EDEM3: variants seen among roughly 807,000 people sequenced by gnomAD.
The protein encoded by EDEM3 is ER degradation enhancing alpha-mannosidase like protein 3.
A neutral mutation model predicts 110.2 loss-of-function variants in EDEM3; 60 were observed. The ratio of observed to expected loss-of-function variants is 0.54; its 90% CI spans 0.44 to 0.67. The LOEUF is 0.67. Ranked by LOEUF, EDEM3 falls within the 30% of genes least tolerant of loss-of-function variation. The pLI is 0.00. For missense variants in EDEM3, 996 were observed against 1,121.0 expected (o/e 0.89, Z 1.59); for synonymous variants, 352 against 382.9 (o/e 0.92, Z 0.94).
At chr1:184,714,620 T>G (rs1023451137) in intron 13 of EDEM3, among the ~76,000 whole-genome samples, 3 of 152,024 alleles carry the variant, frequency 2.0e-5, no homozygotes, top group African/African-American at 7.2e-5. Flanking sequence ...CTGGTTGGGG[T>G]CCAACCAAAA....
intron 7 of EDEM3, among the ~76,000 whole-genome samples, chr1:184,724,307 T>C (rs899027715): frequency 1.3e-5 from 2 of 152,096 alleles, no homozygotes; most frequent in Non-Finnish European, 2.9e-5. Flanking sequence ...ATTTCAAAGG[T>C]AGTATGCTAT....
chr1:184,713,798 C>T (rs1650394778), intron 13 of EDEM3, among the ~76,000 whole-genome samples: 2 of 152,204 alleles, frequency 1.3e-5, no homozygotes. Context: ...CTATGAGCTT[C>T]AGTTTATTCT....
At position 184,725,564 on chromosome 1, in the gene EDEM3, C is replaced by T. The variant is rs549034008; in HGVS notation, c.747+691G>A. 3.9e-5 allele frequency among the ~76,000 whole-genome samples: 6 copies of T among 151,922 alleles called. No homozygotes were observed. In the South Asian group the frequency reaches 6.2e-4, roughly 16 times the overall value. Reference sequence around the variant, plus strand: ...ATACAAAGTCAATTTGTTTTCTTTACATTCAGATCTAGTATCTGTAATGCT... The same window carrying T: ...ATACAAAGTCAATTTGTTTTCTTTATATTCAGATCTAGTATCTGTAATGCT... On this transcript the variant is annotated intron_variant, in intron 7 of 19. Coordinates refer to ENST00000318130, the MANE Select transcript of EDEM3 (RefSeq NM_025191.4).
At chr1:184,723,881 A>G (rs774550056) in intron 7 of EDEM3, 25 bp from the exon 8 acceptor site, 1 of 1,512,656 alleles carries the variant, frequency 6.6e-7, no homozygotes, top group East Asian at 2.3e-5. Context: ...AAAAAAAAAA[A>G]AAAAGAAGTG....
chr1:184,730,483 A>G (rs1422281062), intron 6 of EDEM3, among the ~76,000 whole-genome samples: 4 of 152,152 alleles, frequency 2.6e-5, no homozygotes, highest in Admixed American at 6.5e-5. Flanking sequence ...GCTACTCAGG[A>G]GGCTGAGGTG....
intron 4 of EDEM3, among the ~76,000 whole-genome samples, chr1:184,735,661 G>A (rs1205629977): frequency 6.6e-6 from 1 of 152,110 alleles, no homozygotes; most frequent in East Asian, 1.9e-4. Context: ...AAAATTTAGG[G>A]TAAGTCCTGA....
At chr1:184,707,148 A>G (rs1649973298) in intron 17 of EDEM3, among the ~76,000 whole-genome samples, 1 of 152,206 alleles carries the variant, frequency 6.6e-6, no homozygotes, top group African/African-American at 2.4e-5. Context: ...CAATGTTAAC[A>G]CGATGTTACT....
At chr1:184,704,517 G>A (rs1040422425) in intron 18 of EDEM3, among the ~76,000 whole-genome samples, 8 of 151,434 alleles carry the variant, frequency 5.3e-5, no homozygotes, top group African/African-American at 1.9e-4. Context: ...CAGGCTTGGT[G>A]GCACGTGCCT....
At chr1:184,730,653 C>T (rs1479558407) in intron 6 of EDEM3, among the ~76,000 whole-genome samples, 1 of 152,024 alleles carries the variant, frequency 6.6e-6, no homozygotes, top group East Asian at 1.9e-4. Flanking sequence ...GAAATTTAAA[C>T]AAGAAGAGAT....
intron 19 of EDEM3, among the ~76,000 whole-genome samples, chr1:184,697,828 A>G (rs553250027): frequency 3.3e-5 from 5 of 151,802 alleles, no homozygotes; most frequent in Non-Finnish European, 7.4e-5. Context: ...ATTTCTGATT[A>G]CCTAAAAATG....
At chr1:184,729,629 C>A (rs1278686758) in intron 6 of EDEM3, among the ~76,000 whole-genome samples, 1 of 152,118 alleles carries the variant, frequency 6.6e-6, no homozygotes, top group African/African-American at 2.4e-5. Context: ...ATATGCTTAT[C>A]TAAGAGAGAC....
chr1:184,711,682 A>G (rs1395154491), intron 15 of EDEM3, 41 bp downstream of exon 15: 8 of 1,521,212 alleles, frequency 5.3e-6, no homozygotes, highest in Non-Finnish European at 5.3e-6. Context: ...TTTACTAAGA[A>G]ACAACTTTGA....
intron 9 of EDEM3, among the ~76,000 whole-genome samples, chr1:184,720,127 C>T (rs1650801095): frequency 6.6e-6 from 1 of 152,140 alleles, no homozygotes; most frequent in African/African-American, 2.4e-5. Flanking sequence ...TCAGCTTTGA[C>T]AAAAGGTTGA....
At position 184,711,781 on chromosome 1, in the gene EDEM3, T is replaced by G; in HGVS notation, c.1633A>C (p.Ile545Leu). 1 of 1,613,478 alleles carries G rather than the reference T, an allele frequency of 6.2e-7. No homozygotes were observed. Among genetic ancestry groups the G allele is most frequent in the Non-Finnish European group, 8.5e-7 (1 of 1,179,570 alleles). ...ACCACATTTTTCAAGGGCTCACGAA[T>G]ACTTTGAGCATACAATGGGTCATTA... is the stretch of plus-strand genomic sequence containing the variant. Reference protein sequence around the residue: ...FPNDPLYAQSIREPLKNVVDK... With the variant: ...FPNDPLYAQSLREPLKNVVDK... Residue 545 changes from isoleucine to leucine, a missense_variant, in exon 15 of 20, where the codon ATT becomes CTT. Physicochemically the swap from Ile to Leu is conservative, Grantham distance 5. This residue lies in a region of EDEM3 where 138 missense variants were observed against 124.3 expected (regional missense o/e 1.11). Coordinates refer to ENST00000318130, the MANE Select transcript of EDEM3 (RefSeq NM_025191.4).
intron 19 of EDEM3, among the ~76,000 whole-genome samples, chr1:184,696,472 T>C (rs531348952): frequency 6.6e-6 from 1 of 151,920 alleles, no homozygotes; most frequent in East Asian, 1.9e-4. Context: ...TGTAACCCTT[T>C]ATGATGGGGA....
intron 2 of EDEM3, 112 bp downstream of exon 2, chr1:184,749,435 A>G: frequency 2.3e-6 from 2 of 866,268 alleles, no homozygotes; most frequent in Non-Finnish European, 3.5e-6. Flanking sequence ...TTTTTTAAAA[A>G]CTTCCTTTTA....
At chr1:184,696,460 G>A (rs560642631) in intron 19 of EDEM3, among the ~76,000 whole-genome samples, 17 of 151,568 alleles carry the variant, frequency 1.1e-4, no homozygotes, top group Admixed American at 2.0e-4. Flanking sequence ...CGGGGTGTCC[G>A]CTGTAACCCT....
chr1:184,719,429 A>C lies in EDEM3; in HGVS notation c.1077+14T>G, dbSNP rs2102085841. The C allele has an allele frequency of 6.2e-7, 1 of 1,605,632 alleles. No individual in the cohort carries two copies. Among genetic ancestry groups the C allele is most frequent in the Non-Finnish European group, 8.5e-7 (1 of 1,177,726 alleles). ...CATCTTACATTCATATTAAGAAGAC[A>C]GAATTCTTTATACCTGCAAGCCTGG... On this transcript the variant is annotated intron_variant, in intron 10 of 19. Coordinates refer to ENST00000318130, the MANE Select transcript of EDEM3 (RefSeq NM_025191.4).
Position 184,690,452 on chromosome 1 carries a change from A to G in EDEM3, c.*3611T>C, listed in dbSNP as rs1427152798. 2 of 152,608 alleles carry G rather than the reference A, an allele frequency of 1.3e-5. No homozygotes were observed. Among genetic ancestry groups the G allele is most frequent in the African/African-American group, 2.4e-5 (1 of 41,454 alleles). 9.5% of individuals were successfully genotyped at this position (152,608 alleles called of 1,614,324 possible). ...ACAGAGTGATAAACATCAAGACATA[A>G]AAGTATGAGGATATGCACAGTGATT... On this transcript the variant is annotated 3_prime_UTR_variant, in exon 20 of 20. Coordinates refer to ENST00000318130, the MANE Select transcript of EDEM3 (RefSeq NM_025191.4).
Sources: allele counts gnomAD v4.1 joint callset (sites outside exome capture counted in the v4.1 genomes callset), GRCh38; gene constraint gnomAD v4.1.1; regional missense constraint gnomAD v4.1.1; transcripts MANE v1.5; gene names NCBI Gene and HGNC (gene_info 2026-07-23, HGNC 2026-07-21).